Variants in NIBAN1 observed in about 807,000 individuals in gnomAD.
NIBAN1 encodes the protein niban apoptosis regulator 1.
A neutral mutation model predicts 75.1 loss-of-function variants in NIBAN1; 81 were observed. The ratio of observed to expected loss-of-function variants is 1.08; its 90% confidence interval spans 0.90 to 1.30. The LOEUF is 1.30. NIBAN1 is among the 50% of genes most tolerant of loss of function. The pLI, the probability that NIBAN1 is intolerant of heterozygous loss-of-function variation, is 0.00. For missense variants in NIBAN1, 1,133 were observed against 1,128.1 expected (o/e 1.00, Z -0.06); for synonymous variants, 436 against 424.8 (o/e 1.03, Z -0.32).
intron 1 of NIBAN1, among the ~76,000 whole-genome samples, chr1:184,950,580 A>G (rs1040333667): frequency 3.9e-5 from 6 of 152,208 alleles, no homozygotes; most frequent in Admixed American, 3.3e-4. Context: ...GCTTATGCAA[A>G]TGAGAACATC....
intron 12 of NIBAN1, among the ~76,000 whole-genome samples, chr1:184,800,183 A>G (rs539102581): frequency 6.6e-6 from 1 of 151,508 alleles, no homozygotes; most frequent in Non-Finnish European, 1.5e-5. Context: ...GTGTCTGCTC[A>G]TGTCCTTTGC....
At chr1:184,799,076 T>A (rs972337076) in intron 12 of NIBAN1, among the ~76,000 whole-genome samples, 23 of 152,170 alleles carry the variant, frequency 1.5e-4, no homozygotes, top group Non-Finnish European at 2.6e-4. Context: ...AGTTTTAGGG[T>A]ACATGTGCAC....
At chr1:184,934,726 C>A (rs1309799003) in intron 1 of NIBAN1, among the ~76,000 whole-genome samples, 1 of 152,110 alleles carries the variant, frequency 6.6e-6, no homozygotes, top group African/African-American at 2.4e-5. Flanking sequence ...AAAACCCTGT[C>A]TCTACTAAAA....
intron 3 of NIBAN1, among the ~76,000 whole-genome samples, 163 bp downstream of exon 3, chr1:184,893,912 C>T (rs1429471213): frequency 6.6e-6 from 1 of 152,160 alleles, no homozygotes; most frequent in African/African-American, 2.4e-5. Context: ...AAATAGATAC[C>T]TACATGAATG....
At chr1:184,812,435 CA>C (rs1654408886) in intron 9 of NIBAN1, among the ~76,000 whole-genome samples, 1 of 152,172 alleles carries the variant, frequency 6.6e-6, no homozygotes, top group Non-Finnish European at 1.5e-5. Flanking sequence ...TAGAGCCACT[CA>C]GGGAAAGGGA....
chr1:184,922,894 A>C (rs1307966889), intron 1 of NIBAN1, among the ~76,000 whole-genome samples: 1 of 152,178 alleles, frequency 6.6e-6, no homozygotes, highest in Non-Finnish European at 1.5e-5. Flanking sequence ...GACGTGAGTT[A>C]AATCACGCCT....
At chr1:184,894,268 A>C in intron 2 of NIBAN1, 62 bp from the exon 3 acceptor site, 1 of 1,488,788 alleles carries the variant, frequency 6.7e-7, no homozygotes, top group Non-Finnish European at 8.9e-7. Flanking sequence ...GTTACCACAA[A>C]GTTATCCATG....
chr1:184,859,844 T>G lies in NIBAN1; in HGVS notation c.601+24789A>C, dbSNP rs189581166. On this transcript the variant is annotated intron_variant, in intron 5 of 13. Coordinates refer to ENST00000367511, the MANE Select transcript of NIBAN1 (RefSeq NM_052966.4). ...GGTGGGGGTTTCATGGGCAGCATGG[T>G]GAGGATGCCATTGCTCAGCAAGGAG... Among the ~76,000 whole-genome samples the G allele has an allele frequency of 2.6e-3, 398 of 152,146 alleles. 1 individual carries two copies. The highest frequency in any genetic ancestry group is 9.3e-3 in the African/African-American group (386 of 41,494).
chr1:184,935,513 T>A (rs1283701810), intron 1 of NIBAN1, among the ~76,000 whole-genome samples: 1 of 152,010 alleles, frequency 6.6e-6, no homozygotes, highest in Non-Finnish European at 1.5e-5. Context: ...GTCTTAAAAA[T>A]AATAAGATCC....
rs768963325 is a variant in NIBAN1 at position 184,818,714 on chromosome 1, C to T, written c.1097G>A (p.Arg366His). 58 of 1,613,474 alleles carry T rather than the reference C, an allele frequency of 3.6e-5. No individual in the cohort carries two copies. Among genetic ancestry groups the T allele is most frequent in the African/African-American group, 5.3e-5 (4 of 74,926 alleles). The stretch of plus-strand genomic sequence containing the variant: ...ATTCACCTCTTTCTCAAAGAGTACA[C>T]GTACTTCACTGAATCCCGAGCTCAC... ...GPVSSGFSEV[R>H]VLFEKEVNEV... The change falls in exon 9 of 14, where the codon CGT (arginine) becomes CAT (histidine). Residue 366 changes from arginine to histidine, a missense_variant. By Grantham distance (29) the Arg-to-His change is conservative (BLOSUM62 0). Coordinates refer to ENST00000367511, the MANE Select transcript of NIBAN1 (RefSeq NM_052966.4).
intron 4 of NIBAN1, among the ~76,000 whole-genome samples, chr1:184,886,589 T>G (rs1232753333): frequency 6.6e-6 from 1 of 152,198 alleles, no homozygotes; most frequent in Non-Finnish European, 1.5e-5. Flanking sequence ...CTACCTAAAC[T>G]TTACTCCTTT....
intron 5 of NIBAN1, among the ~76,000 whole-genome samples, chr1:184,882,237 G>T (rs1409470192): frequency 6.6e-6 from 1 of 152,154 alleles, no homozygotes; most frequent in Non-Finnish European, 1.5e-5. Context: ...GGAAAAAGTG[G>T]TTAAGTGGCA....
At chr1:184,851,735 T>G (rs1354526416) in intron 5 of NIBAN1, among the ~76,000 whole-genome samples, 1 of 151,888 alleles carries the variant, frequency 6.6e-6, no homozygotes, top group Non-Finnish European at 1.5e-5. Flanking sequence ...AGGGAATGCA[T>G]AAGAAATAAA....
chr1:184,869,729 A>G (rs898147559), intron 5 of NIBAN1, among the ~76,000 whole-genome samples: 14 of 152,010 alleles, frequency 9.2e-5, no homozygotes, highest in African/African-American at 3.4e-4. Flanking sequence ...TTTAGTAGAG[A>G]TGGGTTTTCA....
chr1:184,965,763 A>G (rs1052660454), intron 1 of NIBAN1, among the ~76,000 whole-genome samples: 4 of 152,180 alleles, frequency 2.6e-5, no homozygotes, highest in South Asian at 2.1e-4. Flanking sequence ...TCGTTTCCCT[A>G]TGTAACAAAC....
At chr1:184,918,303 T>G (rs2102015007) in intron 1 of NIBAN1, among the ~76,000 whole-genome samples, 1 of 152,320 alleles carries the variant, frequency 6.6e-6, no homozygotes, top group East Asian at 1.9e-4. Flanking sequence ...AAATAATGAC[T>G]GCAATGAGCT....
intron 9 of NIBAN1, among the ~76,000 whole-genome samples, chr1:184,811,112 T>A (rs1274514983): frequency 6.6e-6 from 1 of 152,176 alleles, no homozygotes; most frequent in Non-Finnish European, 1.5e-5. Context: ...CAGGAACAGA[T>A]TTGATCCAGG....
intron 1 of NIBAN1, among the ~76,000 whole-genome samples, chr1:184,916,449 T>G (rs758747256): frequency 2.8e-4 from 42 of 152,122 alleles, no homozygotes; most frequent in Admixed American, 9.2e-4. Context: ...TATTTAATTT[T>G]TATTTTACTA....
At chr1:184,811,149 G>A (rs1654365166) in intron 9 of NIBAN1, among the ~76,000 whole-genome samples, 4 of 152,332 alleles carry the variant, frequency 2.6e-5, no homozygotes, top group Admixed American at 2.0e-4. Context: ...CCCAGTCAGA[G>A]GCCTCGTATA....
Sources: allele counts gnomAD v4.1 joint callset (sites outside exome capture counted in the v4.1 genomes callset), GRCh38; gene constraint gnomAD v4.1.1; transcripts MANE v1.5; gene names NCBI Gene and HGNC (gene_info 2026-07-23, HGNC 2026-07-21).